Variants in OSBPL10 observed in about 807,000 individuals in gnomAD.
OSBPL10 encodes oxysterol-binding protein-related protein 10.
Under a neutral mutation model 81.7 loss-of-function variants are expected in OSBPL10, and 49 were observed. That is an observed-to-expected ratio of 0.60 (90% CI 0.48 to 0.76). The LOEUF is 0.76. OSBPL10 is among the 30% of genes least tolerant of loss of function. The probability of loss-of-function intolerance (pLI) is 0.00; values close to 1 mark genes in which losing one functional copy is unlikely to be tolerated. For synonymous variants in OSBPL10, 419 were observed against 383.6 expected, an observed-to-expected ratio of 1.09 and a Z score of -1.08; for missense variants, 923 against 987.8, an observed-to-expected ratio of 0.93 and a Z score of 0.88.
In OSBPL10 at chr3:31,661,923, T is replaced by G; in HGVS notation, c.*149A>C. 1 of 1,225,958 alleles carries G rather than the reference T, an allele frequency of 8.2e-7. No individual in the cohort carries two copies. The highest frequency in any genetic ancestry group is 1.1e-6 in the Non-Finnish European group (1 of 884,716). The allele number at this position is 1,225,958 out of a possible 1,614,324, so 75.9% of individuals were successfully genotyped here. On this transcript the variant is annotated 3_prime_UTR_variant, in exon 12 of 12. Transcript: ENST00000396556. ...CCTCTAGCAGAGTGTGGGGGTGCAC[T>G]TTTCATAGTATATAATTTCTCTCTC...
intron 2 of OSBPL10, among the ~76,000 whole-genome samples, chr3:31,993,869 A>T (rs143103163): frequency 1.0e-3 from 158 of 152,350 alleles, no homozygotes; most frequent in African/African-American, 3.4e-3. Flanking sequence ...CTAGATATTT[A>T]TACAAATATA....
At chr3:32,072,683 C>T (rs539625287) in intron 1 of OSBPL10, among the ~76,000 whole-genome samples, 5 of 152,228 alleles carry the variant, frequency 3.3e-5, no homozygotes, top group South Asian at 4.1e-4. Flanking sequence ...GGCCCCCTCC[C>T]TTCCCTACAC....
intron 4 of OSBPL10, among the ~76,000 whole-genome samples, chr3:31,780,217 C>CG (rs1363974166): frequency 4.1e-4 from 63 of 152,050 alleles, no homozygotes; most frequent in African/African-American, 1.4e-3. Context: ...GGCATGAACC[C>CG]GGGAGGCAGA....
At chr3:31,923,590 G>C (rs1233278508) in intron 1 of OSBPL10, among the ~76,000 whole-genome samples, 1 of 152,014 alleles carries the variant, frequency 6.6e-6, no homozygotes, top group African/African-American at 2.4e-5. Flanking sequence ...AAAAGTTCGA[G>C]ACCAGACTTG....
At chr3:31,856,243 C>G (rs1303483411) in intron 3 of OSBPL10, among the ~76,000 whole-genome samples, 1 of 151,736 alleles carries the variant, frequency 6.6e-6, no homozygotes, top group East Asian at 1.9e-4. Flanking sequence ...AATTGTTGCA[C>G]TTTATTAAGA....
chr3:31,725,910 T>A (rs1464938868), intron 6 of OSBPL10, among the ~76,000 whole-genome samples: 1 of 152,208 alleles, frequency 6.6e-6, no homozygotes, highest in East Asian at 1.9e-4. Flanking sequence ...CTCTGGAGTT[T>A]CCAGAGAAGA....
At chr3:31,801,826 T>C (rs752432369) in intron 4 of OSBPL10, among the ~76,000 whole-genome samples, 14 of 148,540 alleles carry the variant, frequency 9.4e-5, no homozygotes, top group Non-Finnish European at 2.1e-4. Context: ...TCTTTTTTTG[T>C]TGTTTTTTTT....
At chr3:31,801,612 A>C (rs2125450936) in intron 4 of OSBPL10, among the ~76,000 whole-genome samples, 1 of 152,300 alleles carries the variant, frequency 6.6e-6, no homozygotes, top group Admixed American at 6.5e-5. Flanking sequence ...CCGTGTTCAC[A>C]CTGCAGACAA....
chr3:31,941,258 C>CA (rs1220081817), intron 1 of OSBPL10, among the ~76,000 whole-genome samples: 8 of 151,856 alleles, frequency 5.3e-5, no homozygotes, highest in African/African-American at 2.4e-5. Flanking sequence ...CCGGTGCAAA[C>CA]AAAAAAGAAA....
intron 8 of OSBPL10, among the ~76,000 whole-genome samples, chr3:31,679,184 T>C (rs1365141476): frequency 3.3e-5 from 5 of 152,200 alleles, no homozygotes; most frequent in African/African-American, 1.2e-4. Context: ...AGACCCCTTC[T>C]TAAACCTGCT....
chr3:31,761,882 G>A (rs1022062872), intron 4 of OSBPL10, among the ~76,000 whole-genome samples: 3 of 150,740 alleles, frequency 2.0e-5, no homozygotes, highest in African/African-American at 7.4e-5. Context: ...GAGAAGCCTT[G>A]TAAATGTCTG....
intron 4 of OSBPL10, among the ~76,000 whole-genome samples, chr3:31,804,957 G>A (rs1254083202): frequency 6.6e-6 from 1 of 152,110 alleles, no homozygotes; most frequent in African/African-American, 2.4e-5. Flanking sequence ...GTCTCCAAGG[G>A]AGCATGTTTT....
intron 2 of OSBPL10, among the ~76,000 whole-genome samples, chr3:32,041,247 T>A (rs1276377229): frequency 1.3e-5 from 2 of 152,202 alleles, no homozygotes; most frequent in African/African-American, 2.4e-5. Flanking sequence ...CACGCCCTGA[T>A]GGAATGTCTC....
chr3:31,686,239 C>T (rs1474123333), intron 7 of OSBPL10, among the ~76,000 whole-genome samples: 1 of 152,144 alleles, frequency 6.6e-6, no homozygotes, highest in Non-Finnish European at 1.5e-5. Context: ...TTCTGAAAAA[C>T]GACTCAGTCT....
intron 11 of OSBPL10, chr3:31,662,555 A>T (rs142620908): frequency 0.047 from 47,276 of 1,001,980 alleles, 1,582 homozygotes; most frequent in East Asian, 0.32. Flanking sequence ...CAAACAAATC[A>T]GCACACACAA....
chr3:31,759,923 C>T (rs936046684), intron 4 of OSBPL10, among the ~76,000 whole-genome samples: 6 of 152,094 alleles, frequency 3.9e-5, no homozygotes, highest in African/African-American at 7.2e-5. Context: ...CAACACCTGG[C>T]TAATTTTTTT....
At chr3:31,960,117 T>C (rs1373411214) in intron 1 of OSBPL10, 1 of 152,240 alleles carries the variant, frequency 6.6e-6, no homozygotes, top group Non-Finnish European at 1.5e-5. Flanking sequence ...CTTAGCACTT[T>C]GCTGAGTGCT....
chr3:31,957,756 T>A (rs1158193964), intron 1 of OSBPL10, among the ~76,000 whole-genome samples: 15 of 152,188 alleles, frequency 9.9e-5, no homozygotes, highest in Admixed American at 9.8e-4. Context: ...TTCTCCTGCC[T>A]CAGCCTCCTA....
At chr3:31,668,044 TTTTC>T (rs1037261954) in intron 10 of OSBPL10, among the ~76,000 whole-genome samples, 9 of 152,252 alleles carry the variant, frequency 5.9e-5, no homozygotes, top group Non-Finnish European at 8.8e-5. Flanking sequence ...TGTTGCTTAG[TTTTC>T]TTTAAAAAAA....
Sources: allele counts gnomAD v4.1 joint callset (sites outside exome capture counted in the v4.1 genomes callset), GRCh38; gene constraint gnomAD v4.1.1; transcripts MANE v1.5; gene names NCBI Gene and HGNC (gene_info 2026-07-23, HGNC 2026-07-21).